BTRC: variants seen among roughly 807,000 people sequenced by gnomAD.
The protein encoded by BTRC is F-box/WD repeat-containing protein 1A.
BTRC carries 42 observed loss-of-function variants against 85.5 expected under a neutral mutation model. The observed-to-expected ratio is 0.49, with a 90% CI of 0.38 to 0.64. The LOEUF is 0.64. Among genes scored for constraint, BTRC ranks in the 30% least tolerant of loss-of-function variants. The pLI, the probability that BTRC is intolerant of heterozygous loss-of-function variation, is 0.00. For missense variants in BTRC, 594 were observed against 743.5 expected (o/e 0.80, Z 2.34); for synonymous variants, 255 against 263.3 (o/e 0.97, Z 0.30).
At chr10:101,380,425 T>C (rs1942898923) in intron 1 of BTRC, among the ~76,000 whole-genome samples, 1 of 151,858 alleles carries the variant, frequency 6.6e-6, no homozygotes, top group Non-Finnish European at 1.5e-5. Context: ...AATGCAAACT[T>C]GGGGAGGGCA....
intron 1 of BTRC, among the ~76,000 whole-genome samples, 169 bp from the exon 2 acceptor site, chr10:101,430,176 G>C (rs1167577353): frequency 6.6e-6 from 1 of 152,070 alleles, no homozygotes; most frequent in African/African-American, 2.4e-5. Context: ...GCCCCTTTTG[G>C]GATTCTCTCT....
Position 101,366,929 on chromosome 10 carries a change from T to TATATATATTA in BTRC, c.48+12710_48+12711insAATATATATT, listed in dbSNP as rs1564730372. ...ATATTAATATATATTTATATATATT[T>TATATATATTA]ATATATATTTATATATATTTATATA... On this transcript the variant is annotated intron_variant, in intron 1 of 14. Coordinates refer to ENST00000370187, the MANE Select transcript of BTRC (RefSeq NM_033637.4). Among the ~76,000 whole-genome samples, 26 of 19,292 alleles carry TATATATATTA rather than the reference T, an allele frequency of 1.3e-3. 1 individual carries two copies. Among genetic ancestry groups the TATATATATTA allele is most frequent in the African/African-American group, 3.8e-3 (15 of 3,964 alleles). The allele number at this position is 19,292 out of a possible 152,430, so 12.7% of individuals were successfully genotyped here. A position where few individuals can be genotyped will look rare whatever the true frequency, so the allele number is the denominator to read the frequency against.
At chr10:101,540,063 C>T (rs531585046) in intron 13 of BTRC, among the ~76,000 whole-genome samples, 43 of 152,270 alleles carry the variant, frequency 2.8e-4, no homozygotes, top group African/African-American at 9.1e-4. Context: ...ATTTTCTCCA[C>T]GTTCATAAAA....
intron 3 of BTRC, among the ~76,000 whole-genome samples, chr10:101,465,486 A>T (rs1945349651): frequency 6.6e-6 from 1 of 152,188 alleles, no homozygotes; most frequent in African/African-American, 2.4e-5. Context: ...CAAAACTCTT[A>T]ACACAGGGTG....
intron 4 of BTRC, among the ~76,000 whole-genome samples, chr10:101,519,831 A>G (rs1282377036): frequency 6.6e-6 from 1 of 152,078 alleles, no homozygotes; most frequent in African/African-American, 2.4e-5. Flanking sequence ...CCCCGTCTTT[A>G]CTAAAAATAC....
chr10:101,536,432 G>A (rs982317878), intron 11 of BTRC, 111 bp from the exon 12 acceptor site: 4 of 739,324 alleles, frequency 5.4e-6, no homozygotes, highest in Non-Finnish European at 7.1e-6. Context: ...TGTGGGTGGT[G>A]ATTGATTTTA....
rs2062090316 is a variant in BTRC at position 101,520,669 on chromosome 10, AGTT to A, written c.325-965_325-963del. ...CTTCTTATTTGACAATTAAAAACCA[AGTT>A]GTTGGCCGGGCACGGTGGCTCATGC... On this transcript the variant is annotated intron_variant, in intron 4 of 14. Transcript: ENST00000370187. Among the ~76,000 whole-genome samples the A allele has an allele frequency of 2.0e-5, 3 of 152,290 alleles. No homozygotes were observed. In the South Asian group the frequency reaches 6.2e-4, roughly 32 times the overall value.
At chr10:101,438,902 G>T (rs1425132823) in intron 2 of BTRC, among the ~76,000 whole-genome samples, 1 of 152,040 alleles carries the variant, frequency 6.6e-6, no homozygotes, top group Non-Finnish European at 1.5e-5. Context: ...CCCTACTCTG[G>T]TTCAATTCCA....
At chr10:101,441,240 T>C (rs1051489643) in intron 2 of BTRC, among the ~76,000 whole-genome samples, 5 of 152,200 alleles carry the variant, frequency 3.3e-5, no homozygotes, top group African/African-American at 1.2e-4. Context: ...CTAAATCTGG[T>C]ACAAAGAAAC....
chr10:101,367,044 ATATATATATATATAAAT>A (rs1942478363), intron 1 of BTRC, among the ~76,000 whole-genome samples: 2 of 35,192 alleles, frequency 5.7e-5, no homozygotes, highest in African/African-American at 1.6e-4. Flanking sequence ...ATATATATAA[ATATATATATATATAAAT>A]ATAAATATAT....
Position 101,534,769 on chromosome 10 carries a change from T to G in BTRC, c.1206T>G (p.Asp402Glu). 6.2e-7 allele frequency: 1 copy of G among 1,614,220 alleles called. No homozygotes were observed. ...GCATGATGGTGACCTGCTCCAAAGA[T>G]CGTTCCATTGCTGTATGGGATATGG... Reference protein sequence around the residue: ...NNGMMVTCSKDRSIAVWDMAS... With the variant: ...NNGMMVTCSKERSIAVWDMAS... The change falls in exon 10 of 15, where the codon GAT becomes GAG. Residue 402 changes from aspartate to glutamate, a missense_variant. Coordinates refer to ENST00000370187, the MANE Select transcript of BTRC (RefSeq NM_033637.4).
At chr10:101,522,352 T>TTAAA (rs2062121305) in intron 5 of BTRC, among the ~76,000 whole-genome samples, 1 of 42,060 alleles carries the variant, frequency 2.4e-5, no homozygotes, top group Non-Finnish European at 5.1e-5. Flanking sequence ...TATAAAGCTT[T>TTAAA]AAAAAAAAAA....
chr10:101,418,259 T>G lies in BTRC; in HGVS notation c.49-12086T>G, dbSNP rs1943999514. On this transcript the variant is annotated intron_variant, in intron 1 of 14. Transcript: ENST00000370187. ...GGCGGGTGCCTGTAGTCCCAGCTAC[T>G]CAGGAGGCTGAGGCAGGAGAATCGC... Among the ~76,000 whole-genome samples the G allele has an allele frequency of 2.0e-5, 3 of 152,032 alleles. No individual in the cohort carries two copies. In the South Asian group the frequency reaches 6.2e-4, roughly 31 times the overall value.
intron 2 of BTRC, among the ~76,000 whole-genome samples, chr10:101,454,938 C>T (rs1945036617): frequency 6.6e-6 from 1 of 151,908 alleles, no homozygotes; most frequent in South Asian, 2.1e-4. Flanking sequence ...AAAACCAGGC[C>T]TAGAACTTCA....
At chr10:101,505,500 G>C (rs1261795932) in intron 4 of BTRC, among the ~76,000 whole-genome samples, 2 of 151,530 alleles carry the variant, frequency 1.3e-5, no homozygotes, top group African/African-American at 4.8e-5. Context: ...GGCGCCTGTA[G>C]TCCCAGCTGC....
intron 1 of BTRC, among the ~76,000 whole-genome samples, chr10:101,371,945 A>C (rs1159432110): frequency 1.3e-5 from 2 of 152,176 alleles, no homozygotes; most frequent in Non-Finnish European, 2.9e-5. Flanking sequence ...TACAAACTAC[A>C]AAAGGATCAG....
intron 4 of BTRC, among the ~76,000 whole-genome samples, chr10:101,510,676 T>G (rs935949869): frequency 6.6e-6 from 1 of 152,118 alleles, no homozygotes; most frequent in African/African-American, 2.4e-5. Context: ...AGAACACTGT[T>G]GTATCCCCAT....
intron 2 of BTRC, among the ~76,000 whole-genome samples, chr10:101,431,959 A>T (rs1264101658): frequency 6.6e-6 from 1 of 152,126 alleles, no homozygotes; most frequent in Non-Finnish European, 1.5e-5. Context: ...TGTCTTTGTC[A>T]CTAGTGGTAT....
chr10:101,416,306 GTTTT>G (rs1186419814), intron 1 of BTRC, among the ~76,000 whole-genome samples: 4 of 151,786 alleles, frequency 2.6e-5, no homozygotes, highest in African/African-American at 9.7e-5. Context: ...TTTTCCCCTG[GTTTT>G]TGTTTGTTTT....
Sources: allele counts gnomAD v4.1 joint callset (sites outside exome capture counted in the v4.1 genomes callset), GRCh38; gene constraint gnomAD v4.1.1; transcripts MANE v1.5; gene names NCBI Gene and HGNC (gene_info 2026-07-23, HGNC 2026-07-21).